The following FAM153A variants were observed in gnomAD, a reference collection of about 807,000 sequenced individuals.
FAM153A encodes the protein family with sequence similarity 153 member A.
A neutral mutation model predicts 48.1 loss-of-function variants in FAM153A; 12 were observed. That is an observed-to-expected ratio of 0.25 (90% CI 0.16 to 0.40). The LOEUF (loss-of-function observed/expected upper bound fraction) is 0.40, where lower values mean the gene tolerates loss of function less well. Ranked by LOEUF, FAM153A falls within the 10% of genes least tolerant of loss-of-function variation. The pLI is 1.00. For synonymous variants in FAM153A, 36 were observed against 118.2 expected (o/e 0.30, Z 4.51); for missense variants, 111 against 345.8 (o/e 0.32, Z 5.38).
chr5:177,703,206 T>A (rs1582082425), downstream of FAM153A, among the ~76,000 whole-genome samples: 1 of 151,810 alleles, frequency 6.6e-6, no homozygotes, highest in African/African-American at 2.4e-5. Context: ...GCCCAAGGCC[T>A]TGGGAGTCCA....
At chr5:177,759,397 A>G (rs1161527721) in intron 1 of FAM153A, among the ~76,000 whole-genome samples, 2 of 151,864 alleles carry the variant, frequency 1.3e-5, no homozygotes, top group African/African-American at 4.9e-5. Context: ...CCATTGTGGA[A>G]GAGAGAGTGG....
the FAM153A span, among the ~76,000 whole-genome samples, chr5:177,694,784 TGAA>T: frequency 8.1e-6 from 1 of 124,172 alleles, no homozygotes; most frequent in East Asian, 2.3e-4. Context: ...TCCTGGACCA[TGAA>T]GAAAGGAAAA....
chr5:177,715,449 T>C (rs1363490325), intron 25 of FAM153A, among the ~76,000 whole-genome samples: 1 of 151,624 alleles, frequency 6.6e-6, no homozygotes, highest in African/African-American at 2.4e-5. Context: ...ACAAATTGCA[T>C]GGGCTCAAAA....
At chr5:177,698,639 C>G in the FAM153A span, among the ~76,000 whole-genome samples, 1 of 151,812 alleles carries the variant, frequency 6.6e-6, no homozygotes, top group Non-Finnish European at 1.5e-5. Context: ...AATAAACTGT[C>G]ACTATTATCC....
chr5:177,779,921 G>A (rs1376327628), intron 1 of FAM153A, among the ~76,000 whole-genome samples: 3 of 57,858 alleles, frequency 5.2e-5, no homozygotes, highest in African/African-American at 1.9e-4. Context: ...CCAGTCAATA[G>A]TGGGCTATTA....
chr5:177,713,985 C>T (rs1418102743), intron 25 of FAM153A: 1 of 151,900 alleles, frequency 6.6e-6, no homozygotes, highest in Non-Finnish European at 1.5e-5. Flanking sequence ...TTAAAAAATC[C>T]TTAACCAAAA....
chr5:177,737,694 A>G (rs1764895080), intron 10 of FAM153A, among the ~76,000 whole-genome samples: 1 of 151,312 alleles, frequency 6.6e-6, no homozygotes, highest in Non-Finnish European at 1.5e-5. Flanking sequence ...TTAATTCTGT[A>G]TTTTTAGGAG....
intron 1 of FAM153A, among the ~76,000 whole-genome samples, chr5:177,763,882 G>A (rs530748488): frequency 3.0e-3 from 448 of 150,896 alleles, no homozygotes; most frequent in African/African-American, 0.01. Flanking sequence ...CAATGAGGAT[G>A]GCTGTGAACG....
At chr5:177,710,759 G>A (rs1218182517), downstream of FAM153A, among the ~76,000 whole-genome samples, 5 of 144,388 alleles carry the variant, frequency 3.5e-5, no homozygotes, top group African/African-American at 1.0e-4. Flanking sequence ...AGGTTCAAGC[G>A]ATTCTCCTGC....
At chr5:177,758,451 T>C (rs1223616914) in intron 1 of FAM153A, among the ~76,000 whole-genome samples, 4 of 146,796 alleles carry the variant, frequency 2.7e-5, no homozygotes, top group African/African-American at 9.9e-5. Context: ...CCAATGACTT[T>C]CTTCACTGAA....
intron 1 of FAM153A, among the ~76,000 whole-genome samples, chr5:177,752,635 A>G (rs1767098694): frequency 1.5e-5 from 2 of 134,104 alleles, no homozygotes; most frequent in Non-Finnish European, 3.1e-5. Context: ...AAAAAAAAAA[A>G]AAAAAAAGAA....
At chr5:177,708,982 C>T (rs1385851105), downstream of FAM153A, among the ~76,000 whole-genome samples, 29 of 150,438 alleles carry the variant, frequency 1.9e-4, 1 homozygote, top group African/African-American at 6.7e-4. Context: ...GTAGTCCCAG[C>T]GACTCGGGAG....
chr5:177,712,919 CATTA>C (rs1310878686), exon 27 of FAM153A: 2 of 151,854 alleles, frequency 1.3e-5, no homozygotes, highest in Non-Finnish European at 2.9e-5. Flanking sequence ...GTTCTCCAAA[CATTA>C]ATTTGTGGTC....
chr5:177,728,312 C>G (rs1041472345), intron 18 of FAM153A, among the ~76,000 whole-genome samples: 2 of 146,926 alleles, frequency 1.4e-5, no homozygotes, highest in Non-Finnish European at 3.0e-5. Context: ...TTGATTTATG[C>G]AAACTGTGCA....
At chr5:177,708,755 C>T (rs1264859738), downstream of FAM153A, among the ~76,000 whole-genome samples, 2 of 151,566 alleles carry the variant, frequency 1.3e-5, no homozygotes, top group African/African-American at 2.4e-5. Context: ...AGGATGGTAT[C>T]CCAGTTGTAA....
downstream of FAM153A, among the ~76,000 whole-genome samples, chr5:177,705,658 C>CTTTT (rs70994931): frequency 1.5e-4 from 12 of 79,828 alleles, no homozygotes; most frequent in Admixed American, 3.3e-4. Flanking sequence ...TTTTCTTTTT[C>CTTTT]TTTTTTTTTT....
At chr5:177,697,102 CTTCT>C in the FAM153A span, among the ~76,000 whole-genome samples, 1 of 151,638 alleles carries the variant, frequency 6.6e-6, no homozygotes, top group East Asian at 1.9e-4. Context: ...TTATTTAAAT[CTTCT>C]TTAATTTCTC....
chr5:177,743,213 T>TTTG (rs1765597064), intron 6 of FAM153A, among the ~76,000 whole-genome samples: 1 of 107,702 alleles, frequency 9.3e-6, no homozygotes. Context: ...TTTGTTTTTT[T>TTTG]TTTTTTTGCA....
chr5:177,765,382 G>A (rs1461630019), intron 1 of FAM153A, among the ~76,000 whole-genome samples: 1 of 108,962 alleles, frequency 9.2e-6, no homozygotes, highest in Non-Finnish European at 1.9e-5. Context: ...TATGCCCACT[G>A]AGGACAGCTG....
Sources: allele counts gnomAD v4.1 joint callset (sites outside exome capture counted in the v4.1 genomes callset), GRCh38; gene constraint gnomAD v4.1.1; transcripts MANE v1.5; gene names NCBI Gene and HGNC (gene_info 2026-07-23, HGNC 2026-07-21).